Variants in ZNF407 observed in about 807,000 individuals in gnomAD.
ZNF407 encodes the protein zinc finger protein 407.
In ZNF407, 17 loss-of-function variants were observed where a neutral mutation model predicts 131.2. The ratio of observed to expected loss-of-function variants is 0.13; its 90% confidence interval spans 0.09 to 0.19. ZNF407 has a LOEUF of 0.19. ZNF407 is among the 10% of genes least tolerant of loss of function. The pLI, the probability that ZNF407 is intolerant of heterozygous loss-of-function variation, is 1.00. For synonymous variants in ZNF407, 1,156 were observed against 1,062.0 expected (o/e 1.09, Z -1.72); for missense variants, 2,681 against 2,830.6 (o/e 0.95, Z 1.20).
At chr18:74,940,070 T>G (rs1972079685) in intron 8 of ZNF407, among the ~76,000 whole-genome samples, 1 of 152,220 alleles carries the variant, frequency 6.6e-6, no homozygotes, top group South Asian at 2.1e-4. Flanking sequence ...AAATATTACC[T>G]GCCCATTAAG....
At chr18:74,712,877 G>A (rs1967799608) in intron 3 of ZNF407, among the ~76,000 whole-genome samples, 2 of 152,164 alleles carry the variant, frequency 1.3e-5, no homozygotes, top group South Asian at 4.1e-4. Flanking sequence ...GGAGAGTGCT[G>A]GAGCATACAG....
chr18:74,786,566 C>T (rs1257302972), intron 4 of ZNF407, among the ~76,000 whole-genome samples: 1 of 150,940 alleles, frequency 6.6e-6, no homozygotes, highest in East Asian at 1.9e-4. Context: ...AGAAATAATT[C>T]TTTTGGGCTA....
intron 3 of ZNF407, among the ~76,000 whole-genome samples, chr18:74,750,774 G>A (rs1194863026): frequency 6.6e-6 from 1 of 152,088 alleles, no homozygotes; most frequent in Non-Finnish European, 1.5e-5. Context: ...GTTTAACTTT[G>A]TGAGAAGCCA....
intron 4 of ZNF407, among the ~76,000 whole-genome samples, chr18:74,852,195 A>ACGCACG (rs1555694783): frequency 1.6e-4 from 10 of 61,936 alleles, no homozygotes; most frequent in African/African-American, 5.5e-4. Flanking sequence ...ACACACACAC[A>ACGCACG]CACGCACGCA....
At chr18:74,975,463 A>C (rs1332981725) in intron 8 of ZNF407, among the ~76,000 whole-genome samples, 1 of 152,224 alleles carries the variant, frequency 6.6e-6, no homozygotes, top group Non-Finnish European at 1.5e-5. Flanking sequence ...GGTCATTCAT[A>C]AAGATATAAG....
intron 4 of ZNF407, among the ~76,000 whole-genome samples, chr18:74,853,971 A>G (rs1970824364): frequency 1.3e-5 from 2 of 152,186 alleles, no homozygotes; most frequent in African/African-American, 4.8e-5. Flanking sequence ...AATTTTAATG[A>G]CTTCATGGCA....
At chr18:74,964,806 G>A (rs763035082) in intron 8 of ZNF407, among the ~76,000 whole-genome samples, 3 of 152,068 alleles carry the variant, frequency 2.0e-5, no homozygotes, top group Non-Finnish European at 4.4e-5. Context: ...TCAAAGTGTT[G>A]CACAGAACAG....
chr18:75,010,623 A>G (rs1012595219), intron 8 of ZNF407, among the ~76,000 whole-genome samples: 1 of 152,198 alleles, frequency 6.6e-6, no homozygotes, highest in Non-Finnish European at 1.5e-5. Flanking sequence ...GCATGAGCAC[A>G]GCTGTATTTA....
intron 3 of ZNF407, among the ~76,000 whole-genome samples, chr18:74,712,323 T>C (rs1967785356): frequency 6.6e-6 from 1 of 152,252 alleles, no homozygotes; most frequent in African/African-American, 2.4e-5. Context: ...TTTTGGGTAA[T>C]TGATGAGACA....
chr18:74,688,355 C>T (rs896691448), intron 3 of ZNF407, among the ~76,000 whole-genome samples: 23 of 152,200 alleles, frequency 1.5e-4, no homozygotes, highest in South Asian at 4.1e-4. Flanking sequence ...TCTCTGGATG[C>T]ATTGGATATA....
At chr18:74,708,038 A>G (rs1309424766) in intron 3 of ZNF407, among the ~76,000 whole-genome samples, 1 of 152,168 alleles carries the variant, frequency 6.6e-6, no homozygotes, top group Non-Finnish European at 1.5e-5. Context: ...AGTTTGAACA[A>G]TTTTCTTGTT....
chr18:75,017,513 T>G (rs1355533697), intron 8 of ZNF407, among the ~76,000 whole-genome samples: 2 of 152,118 alleles, frequency 1.3e-5, no homozygotes, highest in Non-Finnish European at 2.9e-5. Flanking sequence ...AAGATATCAG[T>G]GCTAGTCAGC....
intron 8 of ZNF407, among the ~76,000 whole-genome samples, chr18:75,040,489 A>G (rs2122239404): frequency 6.6e-6 from 1 of 152,264 alleles, no homozygotes; most frequent in Middle Eastern, 3.4e-3. Context: ...TATATTCTTA[A>G]TATCTTGTCA....
intron 8 of ZNF407, among the ~76,000 whole-genome samples, chr18:75,018,560 T>G (rs1973071498): frequency 6.6e-6 from 1 of 151,748 alleles, no homozygotes; most frequent in African/African-American, 2.4e-5. Flanking sequence ...AGTCATTAAG[T>G]AACAGCTGAA....
chr18:75,010,428 A>G (rs1005349424), intron 8 of ZNF407, among the ~76,000 whole-genome samples: 1 of 152,174 alleles, frequency 6.6e-6, no homozygotes, highest in African/African-American at 2.4e-5. Flanking sequence ...CTAAATTCCC[A>G]AAAACAGCAA....
At chr18:74,736,019 T>G (rs1326424417) in intron 3 of ZNF407, among the ~76,000 whole-genome samples, 2 of 152,218 alleles carry the variant, frequency 1.3e-5, no homozygotes, top group Non-Finnish European at 2.9e-5. Context: ...ACTTGCAGAA[T>G]GCAAGGAAAA....
At chr18:74,852,314 T>A (rs1970801079) in intron 4 of ZNF407, among the ~76,000 whole-genome samples, 1 of 152,108 alleles carries the variant, frequency 6.6e-6, no homozygotes, top group Non-Finnish European at 1.5e-5. Context: ...TAAACAGGTA[T>A]AGGAAATATG....
rs181156389 is a variant in ZNF407 at position 75,029,812 on chromosome 18, A to C, written c.5429-33338A>C. On this transcript the variant is annotated intron_variant, in intron 8 of 8. Transcript: ENST00000299687. ...GTGAACGGATGTCTTAGAATGTCATACAGCTGCAACTGTGGTGACAAGAAA... is the reference window on the plus strand; with the variant it reads ...GTGAACGGATGTCTTAGAATGTCATCCAGCTGCAACTGTGGTGACAAGAAA... Among the ~76,000 whole-genome samples, 482 of 152,354 alleles carry C rather than the reference A, an allele frequency of 3.2e-3. 3 individuals are homozygous for C. Among genetic ancestry groups the C allele is most frequent in the African/African-American group, 0.011 (453 of 41,590 alleles).
intron 6 of ZNF407, among the ~76,000 whole-genome samples, chr18:74,886,907 C>T (rs752646459): frequency 2.2e-4 from 34 of 152,106 alleles, no homozygotes; most frequent in Non-Finnish European, 4.1e-4. Context: ...TACATTTGGC[C>T]TCATACGGCC....
Sources: gnomAD v4.1 joint callset for allele counts (sites outside exome capture counted in the v4.1 genomes callset) on GRCh38, gnomAD v4.1.1 for gene constraint, MANE v1.5 for transcripts, NCBI Gene and HGNC (gene_info 2026-07-23, HGNC 2026-07-21) for gene names.